The following PRKN variants were observed in gnomAD, a reference collection of about 807,000 sequenced individuals.
PRKN encodes parkin RBR E3 ubiquitin protein ligase.
PRKN carries 56 observed loss-of-function variants against 59.5 expected under a neutral mutation model. The ratio of observed to expected loss-of-function variants is 0.94; its 90% CI spans 0.76 to 1.18. The LOEUF (loss-of-function observed/expected upper bound fraction) is 1.18. Ranked by LOEUF, PRKN falls within the 50% of genes most tolerant of loss-of-function variation. The probability of loss-of-function intolerance (pLI) is 0.00; values close to 1 mark genes in which losing one functional copy is unlikely to be tolerated. For missense variants in PRKN, 657 were observed against 596.4 expected (o/e 1.10, Z -1.06); for synonymous variants, 250 against 222.1 (o/e 1.13, Z -1.12).
intron 2 of PRKN, among the ~76,000 whole-genome samples, chr6:162,346,671 T>C (rs2128129821): frequency 6.6e-6 from 1 of 152,214 alleles, no homozygotes; most frequent in African/African-American, 2.4e-5. Flanking sequence ...ATTTCTAGTT[T>C]GATACGTTTT....
chr6:162,616,023 G>A (rs1035994441), intron 1 of PRKN, among the ~76,000 whole-genome samples: 15 of 152,114 alleles, frequency 9.9e-5, no homozygotes, highest in Admixed American at 3.9e-4. Flanking sequence ...TTCTATACCC[G>A]TATATTCAAA....
Position 161,613,533 on chromosome 6 carries a change from A to G in PRKN, c.872-44117T>C, listed in dbSNP as rs554696389. Among the ~76,000 whole-genome samples the G allele has an allele frequency of 2.6e-5, 4 of 152,332 alleles. No individual in the cohort carries two copies. The East Asian group carries it at 7.7e-4, about 29-fold the overall frequency. ...TTTTGAAAGTTGTTCTACTGTGGGT[A>G]AAATGCTATCAAACAGCATCACATG... On this transcript the variant is annotated intron_variant, in intron 7 of 11. Transcript: ENST00000366898.
chr6:161,546,658 A>G lies in PRKN; in HGVS notation c.1083+2196T>C, dbSNP rs1779806092. Among the ~76,000 whole-genome samples the G allele has an allele frequency of 1.3e-5, 2 of 151,892 alleles. No homozygotes were observed. ...TTAAAATACGTTCATAAATTCTTTGACACTCTTTAAGATGGAGCCCAACTC... is the reference window on the plus strand; with the variant it reads ...TTAAAATACGTTCATAAATTCTTTGGCACTCTTTAAGATGGAGCCCAACTC... On this transcript the variant is annotated intron_variant, in intron 9 of 11. Coordinates refer to ENST00000366898, the MANE Select transcript of PRKN (RefSeq NM_004562.3). The surrounding 1 kb of genome is among the most constrained non-coding windows in gnomAD (Gnocchi z 4.4).
chr6:161,959,894 A>G (rs2128248221), intron 6 of PRKN, among the ~76,000 whole-genome samples: 1 of 152,314 alleles, frequency 6.6e-6, no homozygotes, highest in African/African-American at 2.4e-5. Context: ...ATCTGCCCCC[A>G]GTCAGACAAT....
chr6:161,773,258 CA>C (rs1789771256), intron 7 of PRKN, among the ~76,000 whole-genome samples: 1 of 152,148 alleles, frequency 6.6e-6, no homozygotes, highest in South Asian at 2.1e-4. Context: ...TTTAAGAATA[CA>C]TCAAACCATT....
intron 1 of PRKN, among the ~76,000 whole-genome samples, chr6:162,488,045 T>G (rs1018093818): frequency 1.3e-5 from 2 of 150,788 alleles, no homozygotes; most frequent in African/African-American, 2.4e-5. Flanking sequence ...TTTTTTTTTT[T>G]TTTTTTTGGC....
intron 3 of PRKN, among the ~76,000 whole-genome samples, chr6:162,256,637 T>C (rs1384125655): frequency 1.2e-4 from 18 of 151,946 alleles, no homozygotes; most frequent in Admixed American, 1.2e-3. Context: ...ATATGGGCAG[T>C]GTCCTCTGAA....
chr6:162,410,094 G>C (rs1788275820), intron 2 of PRKN, among the ~76,000 whole-genome samples: 1 of 152,134 alleles, frequency 6.6e-6, no homozygotes, highest in South Asian at 2.1e-4. Flanking sequence ...TGTTTTTAGA[G>C]GCCTTCTCTA....
intron 8 of PRKN, among the ~76,000 whole-genome samples, chr6:161,558,707 T>C (rs112833399): frequency 3.3e-5 from 5 of 152,322 alleles, no homozygotes; most frequent in African/African-American, 1.2e-4. Context: ...GATTTAGCCA[T>C]TTCTCCTTGC....
intron 1 of PRKN, among the ~76,000 whole-genome samples, chr6:162,545,149 G>A (rs920555593): frequency 2.6e-5 from 4 of 151,766 alleles, no homozygotes; most frequent in Non-Finnish European, 4.4e-5. Context: ...TGAGCTGGGT[G>A]TAGAGGCAGG....
Position 161,360,756 on chromosome 6 carries a change from G to A in PRKN, c.1168-551C>T, listed in dbSNP as rs1243082410. Among the ~76,000 whole-genome samples the A allele has an allele frequency of 2.6e-5, 4 of 152,186 alleles. No individual in the cohort carries two copies. The highest frequency in any genetic ancestry group is 9.7e-5 in the African/African-American group (4 of 41,448). ...CACAGAAGGGACAGGAGCAAGAACA[G>A]GAAATGAAGTCGATGTGCCAGAGAG... On this transcript the variant is annotated intron_variant, in intron 10 of 11. Coordinates refer to ENST00000366898, the MANE Select transcript of PRKN (RefSeq NM_004562.3). The surrounding 1 kb of genome is among the most constrained non-coding windows in gnomAD (Gnocchi z 5.1).
intron 3 of PRKN, among the ~76,000 whole-genome samples, chr6:162,258,788 G>A (rs1779762379): frequency 6.6e-6 from 1 of 152,130 alleles, no homozygotes; most frequent in Non-Finnish European, 1.5e-5. Flanking sequence ...TCAATGACTC[G>A]TTCCAGTTCT....
At chr6:161,537,715 T>C (rs1264093094) in intron 9 of PRKN, among the ~76,000 whole-genome samples, 1 of 152,216 alleles carries the variant, frequency 6.6e-6, no homozygotes, top group East Asian at 1.9e-4. Flanking sequence ...CCTCCCAAAG[T>C]GCTGGGATTA....
At chr6:162,213,861 A>G (rs1007543726) in intron 3 of PRKN, among the ~76,000 whole-genome samples, 1 of 142,594 alleles carries the variant, frequency 7.0e-6, no homozygotes, top group African/African-American at 2.7e-5. Context: ...ACACACACAT[A>G]TGAATAGTAA....
At chr6:162,362,775 G>GA (rs35302593) in intron 2 of PRKN, among the ~76,000 whole-genome samples, 3 of 151,974 alleles carry the variant, frequency 2.0e-5, no homozygotes, top group Non-Finnish European at 2.9e-5. Context: ...CTCTAGCCCA[G>GA]AAAAAAACTT....
At chr6:162,418,613 AGT>A (rs140621171) in intron 2 of PRKN, among the ~76,000 whole-genome samples, 2,232 of 126,208 alleles carry the variant, frequency 0.018, 35 homozygotes, top group African/African-American at 0.042. Context: ...AGGGACAGAC[AGT>A]GTGTGTGTGT....
At chr6:162,245,029 T>C (rs1779142984) in intron 3 of PRKN, among the ~76,000 whole-genome samples, 1 of 152,126 alleles carries the variant, frequency 6.6e-6, no homozygotes, top group Admixed American at 6.6e-5. Flanking sequence ...TCTCTGGTGA[T>C]GTAATGGTTG....
intron 2 of PRKN, among the ~76,000 whole-genome samples, chr6:162,341,441 T>C (rs2128128289): frequency 6.6e-6 from 1 of 152,246 alleles, no homozygotes; most frequent in Middle Eastern, 3.4e-3. Flanking sequence ...CATTCTACTA[T>C]AAAGACACAT....
chr6:161,701,781 A>G (rs1380563587), intron 7 of PRKN, among the ~76,000 whole-genome samples: 1 of 152,228 alleles, frequency 6.6e-6, no homozygotes, highest in Non-Finnish European at 1.5e-5. Context: ...TTCAAGAGAC[A>G]TTACAAGTCA....
Sources: gnomAD v4.1 joint callset for allele counts (sites outside exome capture counted in the v4.1 genomes callset) on GRCh38, gnomAD v4.1.1 for gene constraint, Gnocchi (gnomAD v3.1) non-coding constraint, MANE v1.5 for transcripts, NCBI Gene and HGNC (gene_info 2026-07-23, HGNC 2026-07-21) for gene names.